SCFD2: variants seen among roughly 807,000 people sequenced by gnomAD.
The protein encoded by SCFD2 is sec1 family domain containing 2, also known as sec1 family domain-containing protein 2.
A neutral mutation model predicts 58.9 loss-of-function variants in SCFD2; 54 were observed. The observed-to-expected ratio is 0.92, with a 90% CI of 0.74 to 1.15. SCFD2 has a LOEUF of 1.15. Among genes scored for constraint, SCFD2 ranks in the 50% most tolerant of loss-of-function variants. SCFD2 has a pLI of 0.00. For synonymous variants in SCFD2, 321 were observed against 335.9 expected (o/e 0.96, Z 0.49); for missense variants, 805 against 836.6 (o/e 0.96, Z 0.47).
At chr4:53,283,402 T>C (rs1731565287) in intron 3 of SCFD2, among the ~76,000 whole-genome samples, 1 of 152,204 alleles carries the variant, frequency 6.6e-6, no homozygotes, top group Non-Finnish European at 1.5e-5. Flanking sequence ...CTATCATAAA[T>C]ACTGATGCTA....
intron 3 of SCFD2, among the ~76,000 whole-genome samples, chr4:53,311,782 C>T (rs542682054): frequency 4.0e-5 from 6 of 151,872 alleles, no homozygotes; most frequent in East Asian, 3.9e-4. Flanking sequence ...ACTACAGGTG[C>T]GCGCCACCAC....
chr4:53,310,951 G>A (rs1389513104), intron 3 of SCFD2, among the ~76,000 whole-genome samples: 2 of 152,126 alleles, frequency 1.3e-5, no homozygotes, highest in Admixed American at 6.5e-5. Flanking sequence ...TTATACTTCA[G>A]TAGAAACTAT....
intron 4 of SCFD2, among the ~76,000 whole-genome samples, chr4:53,204,136 T>G (rs1338677655): frequency 6.6e-6 from 1 of 152,048 alleles, no homozygotes; most frequent in Non-Finnish European, 1.5e-5. Flanking sequence ...CATTCTATAG[T>G]AAACCTCAAA....
At chr4:53,333,554 A>G (rs1733570044) in intron 2 of SCFD2, among the ~76,000 whole-genome samples, 1 of 151,712 alleles carries the variant, frequency 6.6e-6, no homozygotes, top group South Asian at 2.1e-4. Context: ...CATATGTAGA[A>G]AGCTGAAACT....
At chr4:52,992,654 T>C (rs1721642127) in intron 5 of SCFD2, among the ~76,000 whole-genome samples, 1 of 147,010 alleles carries the variant, frequency 6.8e-6, no homozygotes, top group African/African-American at 2.6e-5. Context: ...TTCTGGGATG[T>C]GAGGAGTGCC....
intron 5 of SCFD2, among the ~76,000 whole-genome samples, chr4:52,962,289 AG>A (rs947330140): frequency 2.6e-5 from 4 of 152,176 alleles, no homozygotes; most frequent in Non-Finnish European, 5.9e-5. Context: ...GCAGCTTCAG[AG>A]GGTACTTCAC....
At chr4:53,010,562 A>G (rs1416519479) in intron 5 of SCFD2, among the ~76,000 whole-genome samples, 2 of 152,228 alleles carry the variant, frequency 1.3e-5, no homozygotes, top group Non-Finnish European at 2.9e-5. Flanking sequence ...CTTGTGGGCA[A>G]GCTGCCTTTA....
intron 1 of SCFD2, among the ~76,000 whole-genome samples, chr4:53,359,140 A>G (rs1734482140): frequency 6.6e-6 from 1 of 152,238 alleles, no homozygotes; most frequent in Non-Finnish European, 1.5e-5. Flanking sequence ...GATAACCAAA[A>G]GATGAGAAAG....
At chr4:52,957,376 G>T (rs900099910) in intron 5 of SCFD2, 1 of 152,224 alleles carries the variant, frequency 6.6e-6, no homozygotes, top group Non-Finnish European at 1.5e-5. Context: ...TCTGAGGGGA[G>T]CATTTAAAGA....
At chr4:53,248,574 C>G (rs1254046223) in intron 4 of SCFD2, among the ~76,000 whole-genome samples, 1 of 152,198 alleles carries the variant, frequency 6.6e-6, no homozygotes, top group Admixed American at 6.5e-5. Flanking sequence ...AGCTGGAGAT[C>G]TGAGAATGGG....
At chr4:52,891,894 G>T (rs1405428497) in intron 7 of SCFD2, among the ~76,000 whole-genome samples, 2 of 152,144 alleles carry the variant, frequency 1.3e-5, no homozygotes, top group African/African-American at 2.4e-5. Flanking sequence ...TCCTTGGAGG[G>T]CTCCTCTTGC....
chr4:53,181,913 G>A (rs1164341458), intron 4 of SCFD2, among the ~76,000 whole-genome samples: 3 of 152,158 alleles, frequency 2.0e-5, no homozygotes, highest in Non-Finnish European at 4.4e-5. Context: ...TTGCTTCAAA[G>A]AGAATAAAAT....
chr4:53,007,050 G>C (rs1402173526), intron 5 of SCFD2, among the ~76,000 whole-genome samples: 4 of 152,074 alleles, frequency 2.6e-5, no homozygotes, highest in Non-Finnish European at 5.9e-5. Flanking sequence ...GGAGGCCGAA[G>C]TGGGAGGACT....
At chr4:53,282,710 C>G (rs912070714) in intron 3 of SCFD2, among the ~76,000 whole-genome samples, 5 of 151,788 alleles carry the variant, frequency 3.3e-5, no homozygotes, top group Non-Finnish European at 5.9e-5. Flanking sequence ...CTGTACTTAG[C>G]TATACCAGGA....
intron 5 of SCFD2, among the ~76,000 whole-genome samples, chr4:52,941,197 C>T (rs1720284132): frequency 6.6e-6 from 1 of 151,986 alleles, no homozygotes; most frequent in Non-Finnish European, 1.5e-5. Flanking sequence ...AATTGAATAC[C>T]TACTATGCAG....
Position 53,025,046 on chromosome 4 carries a change from C to T in SCFD2, c.1562-104176G>A, listed in dbSNP as rs568423416. Among the ~76,000 whole-genome samples, 4 of 152,258 alleles carry T rather than the reference C, an allele frequency of 2.6e-5. No individual in the cohort carries two copies. The East Asian group carries it at 5.8e-4, about 22-fold the overall frequency. ...GATTAATCCAACCTGTGGGCATCTC[C>T]ACGGCCCCTCTGTGTGGCTCTGCTG... On this transcript the variant is annotated intron_variant, in intron 5 of 8. Transcript: ENST00000401642.
intron 4 of SCFD2, among the ~76,000 whole-genome samples, chr4:53,251,001 A>G (rs1730350388): frequency 6.6e-6 from 1 of 152,156 alleles, no homozygotes; most frequent in Non-Finnish European, 1.5e-5. Context: ...CTAATAAAGA[A>G]GAAAAGAGAG....
chr4:53,237,459 C>T (rs1328913960), intron 4 of SCFD2, among the ~76,000 whole-genome samples: 7 of 139,386 alleles, frequency 5.0e-5, no homozygotes, highest in African/African-American at 2.0e-4. Context: ...GGGGTCTGGC[C>T]GGGCGGGGGG....
rs367801387 is a variant in SCFD2 at position 53,347,220 on chromosome 4, C to A, written c.1007+5378G>T. ...AGCCAATGACAGTGTTCAAAACATT[C>A]CACAGAGTCTAGAGATCCCCATGCC... On this transcript the variant is annotated intron_variant, in intron 2 of 8. Transcript: ENST00000401642. Among the ~76,000 whole-genome samples, 6 of 152,180 alleles carry A rather than the reference C, an allele frequency of 3.9e-5. No individual in the cohort carries two copies. In the East Asian group the frequency reaches 7.7e-4, roughly 20 times the overall value.
Sources: allele counts gnomAD v4.1 joint callset (sites outside exome capture counted in the v4.1 genomes callset), GRCh38; gene constraint gnomAD v4.1.1; transcripts MANE v1.5; gene names NCBI Gene and HGNC (gene_info 2026-07-23, HGNC 2026-07-21).